Variants in PARD3 observed in about 807,000 individuals in gnomAD.
PARD3 encodes par-3 family cell polarity regulator, also known as partitioning defective 3 homolog.
PARD3 carries 75 observed loss-of-function variants against 155.4 expected under a neutral mutation model. The ratio of observed to expected loss-of-function variants is 0.48; its 90% CI spans 0.40 to 0.58. The LOEUF (loss-of-function observed/expected upper bound fraction) is 0.58, where lower values mean the gene tolerates loss of function less well. Ranked by LOEUF, PARD3 falls within the 20% of genes least tolerant of loss-of-function variation. The pLI is 0.00. For missense variants in PARD3, 1,642 were observed against 1,721.7 expected (o/e 0.95, Z 0.82); for synonymous variants, 576 against 610.5 (o/e 0.94, Z 0.83).
rs568003587 is a variant in PARD3 at position 34,182,701 on chromosome 10, A to G, written c.3420-51118T>C. Among the ~76,000 whole-genome samples the G allele has an allele frequency of 7.9e-5, 12 of 151,872 alleles. No homozygotes were observed. The South Asian group carries it at 1.0e-3, about 13-fold the overall frequency. Reference sequence around the variant, plus strand: ...AATGCAAACTCCCTCAGTACCACCAATAAGTGGCACTTTGTTGGTTTAGCT... The same window carrying G: ...AATGCAAACTCCCTCAGTACCACCAGTAAGTGGCACTTTGTTGGTTTAGCT... On this transcript the variant is annotated intron_variant, in intron 22 of 24. Transcript: ENST00000374788.
At chr10:34,714,156 C>A (rs956183622) in intron 1 of PARD3, among the ~76,000 whole-genome samples, 1 of 152,140 alleles carries the variant, frequency 6.6e-6, no homozygotes, top group Non-Finnish European at 1.5e-5. Context: ...TAAACAAAAA[C>A]TTGACCCCGA....
intron 3 of PARD3, among the ~76,000 whole-genome samples, chr10:34,475,758 T>A (rs1349139884): frequency 6.6e-6 from 1 of 152,208 alleles, no homozygotes; most frequent in African/African-American, 2.4e-5. Context: ...CAGTGGGACA[T>A]AAGTTTTCCA....
intron 22 of PARD3, among the ~76,000 whole-genome samples, chr10:34,158,909 A>C (rs1431084897): frequency 6.6e-6 from 1 of 152,232 alleles, no homozygotes; most frequent in Non-Finnish European, 1.5e-5. Flanking sequence ...AGTGAGGTTG[A>C]AAGGCTTTGG....
Position 34,111,450 on chromosome 10 carries a change from C to T in PARD3, c.3781G>A (p.Gly1261Ser), listed in dbSNP as rs1194459137. 6.2e-7 allele frequency: 1 copy of T among 1,614,156 alleles called. No individual in the cohort carries two copies. The highest frequency in any genetic ancestry group is 1.1e-5 in the South Asian group (1 of 91,090). The change falls in exon 25 of 25, where the codon GGC becomes AGC. Residue 1261 changes from glycine to serine, a missense_variant. Physicochemically the swap from Gly to Ser is moderately conservative, Grantham distance 56 (BLOSUM62 0). Around this residue, in one of 3 missense-constraint regions of PARD3, gnomAD observed 1,529 missense variants for 1,587.3 expected, o/e 0.96. Coordinates refer to ENST00000374788, the MANE Select transcript of PARD3 (RefSeq NM_001184785.2). Reference protein sequence around the residue: ...KENPRYSSYQGSRNGYLGGHG... With the variant: ...KENPRYSSYQSSRNGYLGGHG... ...CCTCCCAGGTAGCCGTTCCTGGAGC[C>T]TTGGTAGCTGGAGTACCTGGGGTTC...
At chr10:34,685,117 G>C (rs1180687595) in intron 2 of PARD3, among the ~76,000 whole-genome samples, 1 of 152,088 alleles carries the variant, frequency 6.6e-6, no homozygotes, top group Admixed American at 6.6e-5. Flanking sequence ...ATTGAAACTA[G>C]GTTTTAATTT....
rs182902211 is a variant in PARD3, at chr10:34,657,941, T to C, written c.222+38377A>G. ...GTGGGCGGATCACGAGGTCAGGAGATCGAGACTGTCCTAGCTAACACAGTG... is the reference window on the plus strand; with the variant it reads ...GTGGGCGGATCACGAGGTCAGGAGACCGAGACTGTCCTAGCTAACACAGTG... On this transcript the variant is annotated intron_variant, in intron 2 of 24. Coordinates refer to ENST00000374788, the MANE Select transcript of PARD3 (RefSeq NM_001184785.2). Among the ~76,000 whole-genome samples the C allele has an allele frequency of 9.5e-3, 1,451 of 152,132 alleles. 26 individuals carry two copies. Among genetic ancestry groups the C allele is most frequent in the African/African-American group, 0.033 (1,382 of 41,550 alleles).
intron 22 of PARD3, among the ~76,000 whole-genome samples, chr10:34,210,833 C>T (rs1951710429): frequency 6.6e-6 from 1 of 152,136 alleles, no homozygotes; most frequent in Non-Finnish European, 1.5e-5. Context: ...ACAATTGCTT[C>T]CTGACTTGAC....
intron 21 of PARD3, among the ~76,000 whole-genome samples, chr10:34,279,141 C>CT (rs143467605): frequency 0.098 from 9,948 of 101,906 alleles, 716 homozygotes; most frequent in Middle Eastern, 0.14. Context: ...ATATTTTTTC[C>CT]TTTTTTTTTT....
intron 5 of PARD3, among the ~76,000 whole-genome samples, chr10:34,416,750 CTG>C (rs1845715487): frequency 6.6e-6 from 1 of 152,126 alleles, no homozygotes; most frequent in Non-Finnish European, 1.5e-5. Context: ...ATAGAGGTGG[CTG>C]CAAATAAAAT....
At chr10:34,191,603 A>C (rs528946861) in intron 22 of PARD3, among the ~76,000 whole-genome samples, 1 of 131,930 alleles carries the variant, frequency 7.6e-6, no homozygotes, top group African/African-American at 3.0e-5. Flanking sequence ...ATGCTTTTCA[A>C]TTCACAGTCC....
chr10:34,454,901 G>T (rs2077254393), intron 4 of PARD3, among the ~76,000 whole-genome samples: 1 of 151,974 alleles, frequency 6.6e-6, no homozygotes, highest in African/African-American at 2.4e-5. Context: ...CTCTTTCAGG[G>T]TAAGGAAAGT....
chr10:34,653,551 A>T (rs2093077544), intron 2 of PARD3, among the ~76,000 whole-genome samples: 1 of 152,192 alleles, frequency 6.6e-6, no homozygotes, highest in South Asian at 2.1e-4. Flanking sequence ...ATACCACATG[A>T]ACCATGATGA....
At chr10:34,515,504 G>T (rs955016322) in intron 3 of PARD3, among the ~76,000 whole-genome samples, 8 of 152,158 alleles carry the variant, frequency 5.3e-5, no homozygotes, top group African/African-American at 1.7e-4. Context: ...GTAGCTGCAC[G>T]CAATCCTCTA....
At chr10:34,312,522 T>C (rs1957757695) in intron 20 of PARD3, 2 of 777,434 alleles carry the variant, frequency 2.6e-6, no homozygotes, top group Admixed American at 2.0e-5. Flanking sequence ...ATTATGTTCA[T>C]TGTGTTCTGA....
At position 34,759,928 on chromosome 10, in the gene PARD3, G is replaced by C. The variant is rs553085686; in HGVS notation, c.120+54948C>G. Among the ~76,000 whole-genome samples the C allele has an allele frequency of 4.6e-5, 7 of 152,304 alleles. No homozygotes were observed. In the South Asian group the frequency reaches 1.4e-3, roughly 32 times the overall value. The stretch of plus-strand genomic sequence containing the variant: ...TACTTTATTAGCTGAGAACACTTAT[G>C]AATCTAAAAATACTTCGTTTTGGGG... On this transcript the variant is annotated intron_variant, in intron 1 of 24. Transcript: ENST00000374788.
At chr10:34,555,339 C>T (rs1011750512) in intron 2 of PARD3, among the ~76,000 whole-genome samples, 1 of 152,074 alleles carries the variant, frequency 6.6e-6, no homozygotes, top group Non-Finnish European at 1.5e-5. Context: ...ACATGAACTA[C>T]GATCCCATTC....
intron 20 of PARD3, among the ~76,000 whole-genome samples, chr10:34,284,885 CTGATCAA>C (rs1564547919): frequency 6.6e-6 from 1 of 152,206 alleles, no homozygotes; most frequent in Non-Finnish European, 1.5e-5. Flanking sequence ...AAATCCACAT[CTGATCAA>C]AAACAAACAC....
intron 2 of PARD3, among the ~76,000 whole-genome samples, chr10:34,607,444 TTAAG>T (rs1160647612): frequency 5.9e-5 from 9 of 152,174 alleles, no homozygotes. Context: ...CACTGAATAA[TTAAG>T]TAACTTCCTG....
chr10:34,726,566 G>A (rs2094716739), intron 1 of PARD3, among the ~76,000 whole-genome samples: 1 of 152,118 alleles, frequency 6.6e-6, no homozygotes. Flanking sequence ...CTGGGCGACA[G>A]AGTGAGACCC....
Sources: allele counts gnomAD v4.1 joint callset (sites outside exome capture counted in the v4.1 genomes callset), GRCh38; gene constraint gnomAD v4.1.1; regional missense constraint gnomAD v4.1.1; transcripts MANE v1.5; gene names NCBI Gene and HGNC (gene_info 2026-07-23, HGNC 2026-07-21).